The following NMBR variants were observed in gnomAD, a reference collection of about 807,000 sequenced individuals.
The protein encoded by NMBR is neuromedin B receptor, also known as neuromedin-B receptor.
NMBR carries 16 observed loss-of-function variants against 20.5 expected under a neutral mutation model. The ratio of observed to expected loss-of-function variants is 0.78; its 90% CI spans 0.53 to 1.19. The LOEUF is 1.19. Among genes scored for constraint, NMBR ranks in the 50% most tolerant of loss-of-function variants. The pLI is 0.00. For missense variants in NMBR, 582 were observed against 499.1 expected, an observed-to-expected ratio of 1.17 and a Z score of -1.58; for synonymous variants, 212 against 196.6, an observed-to-expected ratio of 1.08 and a Z score of -0.65.
chr6:142,131,887 T>C (rs978992261), intron 1 of NMBR, among the ~76,000 whole-genome samples: 18 of 152,222 alleles, frequency 1.2e-4, no homozygotes, highest in Non-Finnish European at 2.4e-4. Context: ...TTCACTACTG[T>C]ACAATGGTAA....
At chr6:142,093,520 T>C (rs968212021) in intron 1 of NMBR, among the ~76,000 whole-genome samples, 1 of 151,928 alleles carries the variant, frequency 6.6e-6, no homozygotes, top group African/African-American at 2.4e-5. Context: ...CCATGGTGTA[T>C]ATGTGCCACA....
chr6:142,085,721 G>A (rs1387813379), intron 2 of NMBR, among the ~76,000 whole-genome samples: 1 of 152,026 alleles, frequency 6.6e-6, no homozygotes, highest in Non-Finnish European at 1.5e-5. Flanking sequence ...TATGCTTTCT[G>A]AAATCTAATT....
Position 142,115,993 on chromosome 6 carries a change from C to T in NMBR, c.-663-26672G>A, listed in dbSNP as rs545218238. Among the ~76,000 whole-genome samples the T allele has an allele frequency of 2.6e-5, 4 of 151,934 alleles. No individual in the cohort carries two copies. In the South Asian group the frequency reaches 8.3e-4, roughly 32 times the overall value. ...GAGGGTGGGTCTTTCCTGCACTGTT[C>T]TCTGATAGTGAATTAGTCTCATGAG... On this transcript the variant is annotated intron_variant, in intron 1 of 3. Coordinates refer to ENST00000258042, the MANE Select transcript of NMBR (RefSeq NM_002511.4).
chr6:142,100,579 G>A (rs1777541190), intron 1 of NMBR, among the ~76,000 whole-genome samples: 1 of 151,970 alleles, frequency 6.6e-6, no homozygotes, highest in Non-Finnish European at 1.5e-5. Flanking sequence ...GATCGCAGAG[G>A]ATTTTGCAGT....
chr6:142,146,392 A>G (rs927401298), intron 1 of NMBR, among the ~76,000 whole-genome samples: 4 of 152,176 alleles, frequency 2.6e-5, no homozygotes, highest in African/African-American at 9.7e-5. Flanking sequence ...AAAGAAGGTT[A>G]TTGGAGGAAG....
intron 1 of NMBR, among the ~76,000 whole-genome samples, chr6:142,106,619 C>G (rs948648043): frequency 2.0e-5 from 3 of 152,198 alleles, no homozygotes; most frequent in East Asian, 1.9e-4. Context: ...TTTCCCCATT[C>G]AGACTATCAA....
At chr6:142,134,499 G>T (rs1778210152) in intron 1 of NMBR, 4 of 477,432 alleles carry the variant, frequency 8.4e-6, no homozygotes, top group South Asian at 4.6e-5. Flanking sequence ...TTGATTAATT[G>T]ATTTACTAAG....
Position 142,144,543 on chromosome 6 carries a change from C to CT in NMBR, c.-664+2500dup, listed in dbSNP as rs756793700. ...TACTTGCCAAGGTTCTAGCCCAGTC[C>CT]TAGAGGGTGATGTCAGATCCTTCAG... On this transcript the variant is annotated intron_variant, in intron 1 of 3. Transcript: ENST00000258042. 2.6e-5 allele frequency among the ~76,000 whole-genome samples: 4 copies of CT among 152,212 alleles called. No individual in the cohort carries two copies. In the East Asian group the frequency reaches 7.7e-4, roughly 29 times the overall value.
At chr6:142,085,216 G>T (rs1777177952) in intron 2 of NMBR, among the ~76,000 whole-genome samples, 1 of 152,142 alleles carries the variant, frequency 6.6e-6, no homozygotes, top group Non-Finnish European at 1.5e-5. Context: ...AGTTTGGAAA[G>T]TTGAGGATTA....
chr6:142,088,759 C>T lies in NMBR; in HGVS notation c.-101G>A, dbSNP rs1303644198. The stretch of plus-strand genomic sequence containing the variant: ...GTTTAATCGATGTCCCTCCCTCTCG[C>T]CCCTGCAAGTTTACTGTCCGCGGGG... On this transcript the variant is annotated 5_prime_UTR_variant, in exon 2 of 4. Coordinates refer to ENST00000258042, the MANE Select transcript of NMBR (RefSeq NM_002511.4). 4 of 1,085,806 alleles carry T rather than the reference C, an allele frequency of 3.7e-6. No homozygotes were observed. Among genetic ancestry groups the T allele is most frequent in the Admixed American group, 5.1e-5 (2 of 39,054 alleles). 67.3% of individuals were successfully genotyped at this position (1,085,806 alleles called of 1,614,324 possible).
intron 1 of NMBR, among the ~76,000 whole-genome samples, chr6:142,128,028 A>G (rs225599): frequency 0.36 from 53,970 of 151,906 alleles, 10,802 homozygotes; most frequent in Middle Eastern, 0.52. Context: ...GTAATCCTCA[A>G]TGTTGGAGGT....
chr6:142,095,083 T>C (rs545001084), intron 1 of NMBR, among the ~76,000 whole-genome samples: 1 of 152,218 alleles, frequency 6.6e-6, no homozygotes, highest in South Asian at 2.1e-4. Flanking sequence ...AGATATACAA[T>C]CATGTCATCT....
intron 1 of NMBR, among the ~76,000 whole-genome samples, chr6:142,115,838 TTCAA>T (rs1468856840): frequency 2.6e-5 from 4 of 151,932 alleles, no homozygotes; most frequent in South Asian, 2.1e-4. Flanking sequence ...ATTTTAAGAG[TTCAA>T]TCAAAGAATG....
intron 1 of NMBR, among the ~76,000 whole-genome samples, chr6:142,098,140 C>T (rs1777495620): frequency 1.3e-5 from 2 of 151,996 alleles, no homozygotes. Flanking sequence ...GAAAAAACAG[C>T]CCCAATTTTT....
At chr6:142,139,163 C>A (rs1291307969) in intron 1 of NMBR, among the ~76,000 whole-genome samples, 4 of 152,156 alleles carry the variant, frequency 2.6e-5, no homozygotes. Flanking sequence ...GCAAAAGGAC[C>A]TTCTTCTGGT....
chr6:142,120,116 T>G (rs1777919597), intron 1 of NMBR, among the ~76,000 whole-genome samples: 2 of 151,978 alleles, frequency 1.3e-5, no homozygotes, highest in African/African-American at 4.8e-5. Context: ...CAAGACCAGT[T>G]TAAGAGACTT....
chr6:142,137,586 G>C (rs148592801), intron 1 of NMBR, among the ~76,000 whole-genome samples: 1,618 of 152,256 alleles, frequency 0.011, 22 homozygotes, highest in East Asian at 0.085. Flanking sequence ...TTTTCAAAGG[G>C]AATGCTTCCA....
At chr6:142,108,996 A>G (rs1777711593) in intron 1 of NMBR, among the ~76,000 whole-genome samples, 1 of 152,172 alleles carries the variant, frequency 6.6e-6, no homozygotes, top group Non-Finnish European at 1.5e-5. Context: ...ACCAAAACAA[A>G]GGGGCTACAG....
intron 2 of NMBR, among the ~76,000 whole-genome samples, chr6:142,085,539 A>G (rs1478101898): frequency 1.3e-5 from 2 of 152,112 alleles, no homozygotes; most frequent in African/African-American, 4.8e-5. Context: ...AATAAAATAT[A>G]ATAATAATCA....
Sources: allele counts gnomAD v4.1 joint callset (sites outside exome capture counted in the v4.1 genomes callset), GRCh38; gene constraint gnomAD v4.1.1; transcripts MANE v1.5; gene names NCBI Gene and HGNC (gene_info 2026-07-23, HGNC 2026-07-21).